The following CLCN3 variants were observed in gnomAD, a reference collection of about 807,000 sequenced individuals.
The protein encoded by CLCN3 is H(+)/Cl(-) exchange transporter 3.
Under a neutral mutation model 83.4 loss-of-function variants are expected in CLCN3, and 16 were observed. The observed-to-expected ratio is 0.19, with a 90% CI of 0.13 to 0.29. CLCN3 has a LOEUF of 0.29. Ranked by LOEUF, CLCN3 falls within the 10% of genes least tolerant of loss-of-function variation. The pLI, the probability that CLCN3 is intolerant of heterozygous loss-of-function variation, is 1.00. For missense variants in CLCN3, 544 were observed against 1,006.0 expected (o/e 0.54, Z 6.21); for synonymous variants, 322 against 346.2 (o/e 0.93, Z 0.78).
At chr4:169,672,136 C>T (rs1474987636) in intron 2 of CLCN3, among the ~76,000 whole-genome samples, 5 of 151,878 alleles carry the variant, frequency 3.3e-5, no homozygotes, top group Middle Eastern at 3.4e-3. Flanking sequence ...GGCCTGAACC[C>T]GGGAGGCAGA....
intron 2 of CLCN3, among the ~76,000 whole-genome samples, chr4:169,673,616 A>G (rs1731563091): frequency 6.6e-6 from 1 of 151,882 alleles, no homozygotes; most frequent in Non-Finnish European, 1.5e-5. Flanking sequence ...ATATTTCTTC[A>G]GCTCTACCCA....
intron 12 of CLCN3, among the ~76,000 whole-genome samples, chr4:169,715,494 G>GT (rs769069087): frequency 1.3e-5 from 2 of 151,662 alleles, no homozygotes; most frequent in Non-Finnish European, 2.9e-5. Context: ...GAAGTCGGGT[G>GT]TTTTTTTTCT....
chr4:169,696,275 A>G (rs1433356869), intron 8 of CLCN3, among the ~76,000 whole-genome samples: 1 of 152,144 alleles, frequency 6.6e-6, no homozygotes, highest in Admixed American at 6.5e-5. Flanking sequence ...AGTTTTTCCC[A>G]TGTGATTATT....
intron 2 of CLCN3, among the ~76,000 whole-genome samples, chr4:169,655,531 A>G (rs1581211720): frequency 6.6e-6 from 1 of 152,126 alleles, no homozygotes; most frequent in Non-Finnish European, 1.5e-5. Context: ...GTCTTGCTCT[A>G]TTGCCCAGGC....
In CLCN3 at chr4:169,681,347, C is replaced by T. The variant is rs147827581; in HGVS notation, c.318+1140C>T. Among the ~76,000 whole-genome samples, 1,238 of 152,318 alleles carry T rather than the reference C, an allele frequency of 8.1e-3. 21 individuals carry two copies. The highest frequency in any genetic ancestry group is 0.029 in the African/African-American group (1,187 of 41,574). ...TCTTGAAAAATAAAATTCCAAATCT[C>T]AAAAGGCCCTATATAATTTTGGTGT... On this transcript the variant is annotated intron_variant, in intron 3 of 12. Coordinates refer to ENST00000513761, the MANE Select transcript of CLCN3 (RefSeq NM_001829.4).
At chr4:169,712,331 T>TG (rs1343826290) in intron 11 of CLCN3, among the ~76,000 whole-genome samples, 2 of 152,212 alleles carry the variant, frequency 1.3e-5, no homozygotes, top group African/African-American at 2.4e-5. Flanking sequence ...TGCCACTTCT[T>TG]GTCTAGCATT....
At chr4:169,707,988 A>G (rs1733057974) in intron 11 of CLCN3, among the ~76,000 whole-genome samples, 1 of 152,120 alleles carries the variant, frequency 6.6e-6, no homozygotes, top group Non-Finnish European at 1.5e-5. Context: ...ATTAAGACTT[A>G]ATATTTTTTT....
chr4:169,703,871 T>C, intron 9 of CLCN3, 127 bp from the exon 10 acceptor site: 1 of 877,698 alleles, frequency 1.1e-6, no homozygotes, highest in South Asian at 1.8e-5. Context: ...TTATTTGTAC[T>C]AGGATTTTGC....
At chr4:169,663,827 C>T (rs1416670727) in intron 2 of CLCN3, among the ~76,000 whole-genome samples, 1 of 152,078 alleles carries the variant, frequency 6.6e-6, no homozygotes, top group Admixed American at 6.6e-5. Context: ...TCTCTCTACA[C>T]GTATCTTCAT....
chr4:169,631,759 T>A (rs1165364272), intron 1 of CLCN3, among the ~76,000 whole-genome samples: 1 of 152,028 alleles, frequency 6.6e-6, no homozygotes, highest in African/African-American at 2.4e-5. Context: ...ACCAATCCCA[T>A]GGAAATACAA....
chr4:169,641,604 C>T (rs1489561414), intron 2 of CLCN3, among the ~76,000 whole-genome samples: 5 of 152,116 alleles, frequency 3.3e-5, no homozygotes, highest in African/African-American at 9.7e-5. Context: ...TAAGTTTATT[C>T]ATCTGGTATT....
intron 2 of CLCN3, among the ~76,000 whole-genome samples, chr4:169,654,111 G>T (rs932077837): frequency 2.8e-4 from 43 of 152,070 alleles, no homozygotes; most frequent in African/African-American, 9.9e-4. Context: ...ATATAGGAGG[G>T]CCTATTTCTA....
At chr4:169,631,971 G>A (rs1414789533) in intron 1 of CLCN3, among the ~76,000 whole-genome samples, 2 of 152,114 alleles carry the variant, frequency 1.3e-5, no homozygotes, top group African/African-American at 4.8e-5. Flanking sequence ...TGTATTCATA[G>A]CTGAATTCTA....
intron 11 of CLCN3, among the ~76,000 whole-genome samples, chr4:169,709,022 TA>T (rs1247763841): frequency 7.4e-5 from 11 of 148,226 alleles, no homozygotes; most frequent in South Asian, 4.2e-4. Context: ...ATATCCTCTA[TA>T]AAAAAACATA....
At chr4:169,621,989 T>G (rs1193262506) in intron 1 of CLCN3, among the ~76,000 whole-genome samples, 1 of 152,224 alleles carries the variant, frequency 6.6e-6, no homozygotes, top group African/African-American at 2.4e-5. Flanking sequence ...AAAAACCATG[T>G]GTGTGACCTA....
At chr4:169,682,470 T>C (rs1731982738) in intron 3 of CLCN3, among the ~76,000 whole-genome samples, 1 of 152,202 alleles carries the variant, frequency 6.6e-6, no homozygotes, top group African/African-American at 2.4e-5. Context: ...TGGAAAACCA[T>C]AGTTTGATGT....
At chr4:169,713,492 T>C (rs1401992790) in intron 12 of CLCN3, among the ~76,000 whole-genome samples, 197 bp downstream of exon 12, 4 of 152,186 alleles carry the variant, frequency 2.6e-5, no homozygotes, top group African/African-American at 4.8e-5. Flanking sequence ...ATCTGCCTGC[T>C]CTTTGCCAAA....
intron 1 of CLCN3, among the ~76,000 whole-genome samples, chr4:169,635,307 G>A (rs1013573194): frequency 6.6e-6 from 1 of 152,092 alleles, no homozygotes; most frequent in African/African-American, 2.4e-5. Flanking sequence ...AATCAAACTA[G>A]TTAGGAGTAA....
rs559919032 is a variant in CLCN3 at position 169,632,716 on chromosome 4, C to CAAAA, written c.-16-3174_-16-3171dup. 4.0e-4 allele frequency among the ~76,000 whole-genome samples: 13 copies of CAAAA among 32,298 alleles called. No homozygotes were observed. The South Asian group carries it at 5.7e-3, about 14-fold the overall frequency. The allele number at this position is 32,298 out of a possible 152,430, so 21.2% of individuals were successfully genotyped here. On this transcript the variant is annotated intron_variant, in intron 1 of 12. Coordinates refer to ENST00000513761, the MANE Select transcript of CLCN3 (RefSeq NM_001829.4). ...TGGGTGACAGAGCGAGACTCCATCT[C>CAAAA]AAAAAAAAAAAAAAAAAAAAAAAAA...
Sources: gnomAD v4.1 joint callset for allele counts (sites outside exome capture counted in the v4.1 genomes callset) on GRCh38, gnomAD v4.1.1 for gene constraint, MANE v1.5 for transcripts, NCBI Gene and HGNC (gene_info 2026-07-23, HGNC 2026-07-21) for gene names.